The following TLE4 variants were observed in gnomAD, a reference collection of about 807,000 sequenced individuals.
TLE4 encodes the protein TLE family member 4, transcriptional corepressor, also known as transducin-like enhancer protein 4.
Under a neutral mutation model 92.8 loss-of-function variants are expected in TLE4, and 8 were observed. The observed-to-expected ratio is 0.09, with a 90% CI of 0.05 to 0.16. The LOEUF is 0.16. Among genes scored for constraint, TLE4 ranks in the 10% least tolerant of loss-of-function variants. The pLI is 1.00. For synonymous variants in TLE4, 371 were observed against 374.1 expected (o/e 0.99, Z 0.10); for missense variants, 675 against 997.6 (o/e 0.68, Z 4.36).
At chr9:79,635,489 TG>T (rs1414107081) in intron 6 of TLE4, among the ~76,000 whole-genome samples, 1 of 152,078 alleles carries the variant, frequency 6.6e-6, no homozygotes, top group African/African-American at 2.4e-5. Flanking sequence ...CATGTTATTC[TG>T]GGGTTTCTTG....
intron 8 of TLE4, chr9:79,693,488 G>A (rs2135580212): frequency 3.2e-6 from 1 of 311,308 alleles, no homozygotes; most frequent in Non-Finnish European, 6.4e-6. Flanking sequence ...TTAGGTTGTG[G>A]GATCTTCTGC....
intron 5 of TLE4, among the ~76,000 whole-genome samples, chr9:79,617,986 C>T (rs187044139): frequency 3.5e-4 from 53 of 152,328 alleles, no homozygotes; most frequent in African/African-American, 1.2e-3. Flanking sequence ...CTTGCCCCAG[C>T]GTCAGCTGGC....
intron 8 of TLE4, among the ~76,000 whole-genome samples, chr9:79,656,406 C>T (rs964267345): frequency 6.6e-6 from 1 of 152,190 alleles, no homozygotes; most frequent in African/African-American, 2.4e-5. Flanking sequence ...ATGAACGTGA[C>T]ATAAATTTCC....
intron 4 of TLE4, among the ~76,000 whole-genome samples, chr9:79,590,860 C>G (rs887994456): frequency 6.6e-6 from 1 of 152,080 alleles, no homozygotes; most frequent in African/African-American, 2.4e-5. Flanking sequence ...ATGGAAATAC[C>G]TGGAACTGGA....
intron 6 of TLE4, 30 bp downstream of exon 6, chr9:79,627,478 C>G: frequency 6.2e-7 from 1 of 1,608,012 alleles, no homozygotes; most frequent in African/African-American, 1.3e-5. Context: ...TAGCTCTGAT[C>G]TTAGTGTTTG....
chr9:79,720,373 T>G (rs1297786694), intron 16 of TLE4, 80 bp downstream of exon 16: 1 of 1,311,728 alleles, frequency 7.6e-7, no homozygotes, highest in Non-Finnish European at 1.0e-6. Flanking sequence ...TGTATATAGG[T>G]ATGGGTGTGT....
intron 2 of TLE4, among the ~76,000 whole-genome samples, chr9:79,574,612 A>T (rs1274757916): frequency 2.0e-5 from 3 of 152,188 alleles, no homozygotes; most frequent in Admixed American, 2.0e-4. Flanking sequence ...CCTGAATTAA[A>T]CTGATTAGAG....
chr9:79,588,101 A>C (rs1488321011), intron 4 of TLE4, among the ~76,000 whole-genome samples: 1 of 149,496 alleles, frequency 6.7e-6, no homozygotes, highest in Non-Finnish European at 1.5e-5. Context: ...AATGTCTCAT[A>C]AGTGACTATG....
chr9:79,707,397 A>C lies in TLE4; in HGVS notation c.936+498A>C, dbSNP rs73652239. Reference sequence around the variant, plus strand: ...AAAAATGAACTGCTCACCCATCAGGATAATCTCCCTGCACCCTATTCTTCT... The same window carrying C: ...AAAAATGAACTGCTCACCCATCAGGCTAATCTCCCTGCACCCTATTCTTCT... On this transcript the variant is annotated intron_variant, in intron 11 of 19. Coordinates refer to ENST00000376552, the MANE Select transcript of TLE4 (RefSeq NM_007005.6). 1.9e-3 allele frequency among the ~76,000 whole-genome samples: 292 copies of C among 152,368 alleles called. 1 individual carries two copies. The highest frequency in any genetic ancestry group is 6.8e-3 in the African/African-American group (282 of 41,588).
intron 6 of TLE4, 90 bp downstream of exon 6, chr9:79,627,538 C>A: frequency 7.6e-7 from 1 of 1,321,316 alleles, no homozygotes; most frequent in Non-Finnish European, 1.1e-6. Context: ...GCCAAAGGGG[C>A]AAAAAGCAAT....
chr9:79,704,980 C>T (rs2071107432), intron 9 of TLE4, 78 bp downstream of exon 9: 26 of 1,573,408 alleles, frequency 1.7e-5, no homozygotes, highest in Non-Finnish European at 2.3e-5. Flanking sequence ...TGACTATTAC[C>T]AGCCAACACA....
intron 6 of TLE4, among the ~76,000 whole-genome samples, chr9:79,648,252 A>T (rs554423036): frequency 1.3e-5 from 2 of 152,158 alleles, no homozygotes; most frequent in Non-Finnish European, 2.9e-5. Flanking sequence ...AGTTCTCGCT[A>T]TGTTTAGGGA....
In TLE4 at chr9:79,726,177, C is replaced by G. The variant is rs2076361019; in HGVS notation, c.*1033C>G. The G allele has an allele frequency of 6.6e-6, 1 of 152,602 alleles. No homozygotes were observed. Among genetic ancestry groups the G allele is most frequent in the African/African-American group, 2.4e-5 (1 of 41,434 alleles). 9.5% of individuals were successfully genotyped at this position (152,602 alleles called of 1,614,324 possible). ...GAAAAACACAAAGAATGGACTCTCT[C>G]CTGGGATGAGGACTTGCTTTCTTTA... is the stretch of plus-strand genomic sequence containing the variant. On this transcript the variant is annotated 3_prime_UTR_variant, in exon 20 of 20. Transcript: ENST00000376552.
chr9:79,600,558 A>G (rs2045366094), intron 4 of TLE4, among the ~76,000 whole-genome samples: 1 of 152,196 alleles, frequency 6.6e-6, no homozygotes, highest in Admixed American at 6.5e-5. Context: ...GTGTGAGAGT[A>G]TTCAGACAGG....
At chr9:79,666,963 G>A (rs1472214648) in intron 8 of TLE4, among the ~76,000 whole-genome samples, 2 of 152,228 alleles carry the variant, frequency 1.3e-5, no homozygotes, top group East Asian at 3.8e-4. Context: ...GTGATAACCT[G>A]AAAGACCAGG....
At chr9:79,602,371 G>A (rs993910560) in intron 4 of TLE4, among the ~76,000 whole-genome samples, 13 of 152,212 alleles carry the variant, frequency 8.5e-5, no homozygotes, top group South Asian at 2.1e-4. Context: ...AGATGTCAGT[G>A]ACTGGCCTCA....
chr9:79,574,968 C>G (rs2037255820), intron 3 of TLE4, 32 bp downstream of exon 3: 2 of 1,595,154 alleles, frequency 1.3e-6, no homozygotes, highest in African/African-American at 2.7e-5. Flanking sequence ...TTCAAAGTGC[C>G]TATTAGTTTG....
chr9:79,624,130 TG>T (rs1383008591), intron 5 of TLE4, among the ~76,000 whole-genome samples: 1 of 150,626 alleles, frequency 6.6e-6, no homozygotes, highest in Non-Finnish European at 1.5e-5. Context: ...GTGAAAAACT[TG>T]CTGTTTTTTT....
At chr9:79,573,472 T>A in intron 1 of TLE4, 1 of 1,018,142 alleles carries the variant, frequency 9.8e-7, no homozygotes, top group Non-Finnish European at 1.3e-6. Context: ...CGCGGGGGCC[T>A]GCGGGCGGGA....
Sources: gnomAD v4.1 joint callset for allele counts (sites outside exome capture counted in the v4.1 genomes callset) on GRCh38, gnomAD v4.1.1 for gene constraint, MANE v1.5 for transcripts, NCBI Gene and HGNC (gene_info 2026-07-23, HGNC 2026-07-21) for gene names.